ZSWIM5: variants seen among roughly 807,000 people sequenced by gnomAD.
ZSWIM5 encodes zinc finger SWIM-type containing 5, also known as zinc finger SWIM domain-containing protein 5.
In ZSWIM5, 55 loss-of-function variants were observed where a neutral mutation model predicts 119.6. The ratio of observed to expected loss-of-function variants is 0.46; its 90% CI spans 0.37 to 0.58. The LOEUF (loss-of-function observed/expected upper bound fraction) is 0.58. Ranked by LOEUF, ZSWIM5 falls within the 20% of genes least tolerant of loss-of-function variation. The pLI is 0.00. For missense variants in ZSWIM5, 1,193 were observed against 1,512.8 expected, an observed-to-expected ratio of 0.79 and a Z score of 3.51; for synonymous variants, 537 against 606.9, an observed-to-expected ratio of 0.88 and a Z score of 1.69.
Position 45,036,216 on chromosome 1 carries a change from A to G in ZSWIM5, c.1978T>C (p.Leu660=), listed in dbSNP as rs756096101. ...CCCATCAGTGCAACTTCCAGGGCCA[A>G]TGACAGGTAGGACTCACTGCTGTTT... ...SPNSSESYLS[L]ALEVALMGLG... The change falls in exon 9 of 14, where the codon TTG becomes CTG. Residue 660 remains leucine, a synonymous_variant. Coordinates refer to ENST00000359600, the MANE Select transcript of ZSWIM5 (RefSeq NM_020883.2). 8 of 1,614,174 alleles carry G rather than the reference A, an allele frequency of 5.0e-6. No individual in the cohort carries two copies. Among genetic ancestry groups the G allele is most frequent in the South Asian group, 4.4e-5 (4 of 91,086 alleles).
chr1:45,145,213 G>T (rs1357651098), intron 1 of ZSWIM5, among the ~76,000 whole-genome samples: 2 of 152,066 alleles, frequency 1.3e-5, no homozygotes, highest in African/African-American at 2.4e-5. Flanking sequence ...TTGCTGGCGT[G>T]AATACAAAAT....
intron 1 of ZSWIM5, among the ~76,000 whole-genome samples, chr1:45,163,166 T>C (rs1349813697): frequency 6.6e-6 from 1 of 152,184 alleles, no homozygotes; most frequent in African/African-American, 2.4e-5. Flanking sequence ...TTCTGCAATA[T>C]TTGCAGTTCT....
intron 1 of ZSWIM5, among the ~76,000 whole-genome samples, chr1:45,166,776 AC>A (rs1369303986): frequency 6.6e-6 from 1 of 152,096 alleles, no homozygotes; most frequent in Non-Finnish European, 1.5e-5. Flanking sequence ...GATGTGAAGG[AC>A]CTCTTCAAGG....
chr1:45,178,289 T>A (rs1478703519), intron 1 of ZSWIM5, among the ~76,000 whole-genome samples: 1 of 152,040 alleles, frequency 6.6e-6, no homozygotes, highest in Non-Finnish European at 1.5e-5. Context: ...CTGGGTGTGG[T>A]GGCGCATGCC....
chr1:45,184,401 C>A (rs1378974496), intron 1 of ZSWIM5, among the ~76,000 whole-genome samples: 2 of 151,562 alleles, frequency 1.3e-5, no homozygotes, highest in African/African-American at 2.4e-5. Context: ...CTGGCCAGGG[C>A]AATTAGGCAG....
intron 1 of ZSWIM5, among the ~76,000 whole-genome samples, chr1:45,127,914 T>A (rs412055): frequency 0.063 from 9,528 of 152,166 alleles, 347 homozygotes; most frequent in East Asian, 0.11. Context: ...GAGTATAATA[T>A]AAATCTAACA....
intron 1 of ZSWIM5, among the ~76,000 whole-genome samples, chr1:45,096,089 T>C (rs1288528929): frequency 1.3e-5 from 2 of 152,198 alleles, no homozygotes; most frequent in Non-Finnish European, 2.9e-5. Flanking sequence ...ACAAAATACA[T>C]ACATTGTGAA....
intron 1 of ZSWIM5, among the ~76,000 whole-genome samples, chr1:45,171,319 T>G (rs1645944851): frequency 6.6e-6 from 1 of 152,146 alleles, no homozygotes; most frequent in African/African-American, 2.4e-5. Context: ...CAAAAAGTTC[T>G]AGCACTATAC....
At chr1:45,055,952 G>A (rs533462370) in intron 4 of ZSWIM5, among the ~76,000 whole-genome samples, 1 of 152,140 alleles carries the variant, frequency 6.6e-6, no homozygotes, top group Non-Finnish European at 1.5e-5. Context: ...AACATAGCGA[G>A]ACCCTGTTGC....
At chr1:45,166,756 A>G (rs1306666444) in intron 1 of ZSWIM5, among the ~76,000 whole-genome samples, 1 of 152,060 alleles carries the variant, frequency 6.6e-6, no homozygotes, top group African/African-American at 2.4e-5. Context: ...TAGGAATCCA[A>G]CTTACAAGGG....
chr1:45,063,641 A>T (rs1328828076), intron 2 of ZSWIM5, among the ~76,000 whole-genome samples: 2 of 152,034 alleles, frequency 1.3e-5, no homozygotes, highest in Admixed American at 1.3e-4. Flanking sequence ...TGACCAAAAA[A>T]CCCAACCGTT....
At position 45,160,415 on chromosome 1, in the gene ZSWIM5, T is replaced by C. The variant is rs1323700335; in HGVS notation, c.595+45341A>G. On this transcript the variant is annotated intron_variant, in intron 1 of 13. Coordinates refer to ENST00000359600, the MANE Select transcript of ZSWIM5 (RefSeq NM_020883.2). ...GTTTATTTCTTCTATCATCAACCTC[T>C]CTTTACCCCACCTTCCTACTCATGT... Among the ~76,000 whole-genome samples the C allele has an allele frequency of 2.0e-5, 3 of 152,200 alleles. No homozygotes were observed. In the East Asian group the frequency reaches 5.8e-4, roughly 29 times the overall value.
rs1307409457 is a variant in ZSWIM5 at position 45,019,389 on chromosome 1, G to A, written c.2696-73C>T. The stretch of plus-strand genomic sequence containing the variant: ...CAGGTCTACCCAGATTACCATTTGG[G>A]GTTTGAACTTGGCCTGCAGAGATGA... On this transcript the variant is annotated intron_variant, in intron 13 of 13. Coordinates refer to ENST00000359600, the MANE Select transcript of ZSWIM5 (RefSeq NM_020883.2). The surrounding 1 kb of genome is among the most constrained non-coding windows in gnomAD (Gnocchi z 5.0). The A allele has an allele frequency of 2.0e-6, 3 of 1,531,268 alleles. No individual in the cohort carries two copies. Among genetic ancestry groups the A allele is most frequent in the East Asian group, 2.3e-5 (1 of 44,260 alleles). 94.9% of individuals were successfully genotyped at this position (1,531,268 alleles called of 1,614,324 possible). A position where few individuals can be genotyped will look rare whatever the true frequency, so the allele number is the denominator to read the frequency against.
chr1:45,027,633 T>C (rs893335559), intron 11 of ZSWIM5, among the ~76,000 whole-genome samples: 4 of 152,130 alleles, frequency 2.6e-5, no homozygotes, highest in African/African-American at 9.7e-5. Context: ...TGACCTCATA[T>C]GATTGCCTCG....
intron 4 of ZSWIM5, among the ~76,000 whole-genome samples, chr1:45,055,422 G>A (rs866990514): frequency 3.3e-5 from 5 of 152,134 alleles, no homozygotes; most frequent in Admixed American, 1.3e-4. Context: ...AACCGTGCCT[G>A]GCCATTGAGC....
rs554576512 is a variant in ZSWIM5 at position 45,163,615 on chromosome 1, T to C, written c.595+42141A>G. Reference sequence around the variant, plus strand: ...GAATTGCTAACTAGAATAAACAGCATAGAGAAGACCTTAAATGACCTGATG... The same window carrying C: ...GAATTGCTAACTAGAATAAACAGCACAGAGAAGACCTTAAATGACCTGATG... On this transcript the variant is annotated intron_variant, in intron 1 of 13. Coordinates refer to ENST00000359600, the MANE Select transcript of ZSWIM5 (RefSeq NM_020883.2). Among the ~76,000 whole-genome samples, 8 of 152,268 alleles carry C rather than the reference T, an allele frequency of 5.3e-5. No individual in the cohort carries two copies. In the East Asian group the frequency reaches 1.2e-3, roughly 22 times the overall value.
At chr1:45,165,157 C>G (rs1645893057) in intron 1 of ZSWIM5, among the ~76,000 whole-genome samples, 1 of 152,062 alleles carries the variant, frequency 6.6e-6, no homozygotes, top group African/African-American at 2.4e-5. Context: ...TCAGGATTAA[C>G]AAACTCACTC....
At chr1:45,023,339 A>G (rs1644899609) in intron 11 of ZSWIM5, among the ~76,000 whole-genome samples, 1 of 152,122 alleles carries the variant, frequency 6.6e-6, no homozygotes, top group Admixed American at 6.5e-5. Context: ...ATCATATAGT[A>G]AGTAGCCTTT....
At chr1:45,147,584 CAA>C (rs11409330) in intron 1 of ZSWIM5, among the ~76,000 whole-genome samples, 56 of 93,300 alleles carry the variant, frequency 6.0e-4, no homozygotes, top group Non-Finnish European at 8.3e-4. Flanking sequence ...TTTACACATG[CAA>C]AAAAAAAAAA....
Sources: gnomAD v4.1 joint callset for allele counts (sites outside exome capture counted in the v4.1 genomes callset) on GRCh38, gnomAD v4.1.1 for gene constraint, Gnocchi (gnomAD v3.1) non-coding constraint, MANE v1.5 for transcripts, NCBI Gene and HGNC (gene_info 2026-07-23, HGNC 2026-07-21) for gene names.